Variants in PLXNA4 observed in about 807,000 individuals in gnomAD.
PLXNA4 encodes plexin-A4.
PLXNA4 carries 44 observed loss-of-function variants against 191.8 expected under a neutral mutation model. The observed-to-expected ratio is 0.23, with a 90% CI of 0.18 to 0.29. The LOEUF (loss-of-function observed/expected upper bound fraction) is 0.29, where lower values mean the gene tolerates loss of function less well. Ranked by LOEUF, PLXNA4 falls within the 10% of genes least tolerant of loss-of-function variation. PLXNA4 has a pLI of 1.00. For synonymous variants in PLXNA4, 1,082 were observed against 1,009.5 expected (o/e 1.07, Z -1.36); for missense variants, 1,800 against 2,488.8 (o/e 0.72, Z 5.89).
intron 5 of PLXNA4, 73 bp from the exon 6 acceptor site, chr7:132,228,542 G>T: frequency 6.3e-7 from 1 of 1,584,114 alleles, no homozygotes; most frequent in African/African-American, 1.3e-5. Flanking sequence ...GCTGAGGTCA[G>T]GTGTTTCCAG....
At chr7:132,256,072 G>C (rs1799421443) in intron 4 of PLXNA4, among the ~76,000 whole-genome samples, 1 of 152,200 alleles carries the variant, frequency 6.6e-6, no homozygotes, top group Non-Finnish European at 1.5e-5. Flanking sequence ...AGGCCGTGCT[G>C]TGTGCCGGCA....
chr7:132,197,598 G>C (rs895953593), intron 13 of PLXNA4, among the ~76,000 whole-genome samples: 1 of 152,168 alleles, frequency 6.6e-6, no homozygotes. Context: ...AGTGGTGATG[G>C]ACCAGAGAGG....
intron 3 of PLXNA4, among the ~76,000 whole-genome samples, chr7:132,476,517 A>G (rs931701608): frequency 6.6e-6 from 1 of 152,228 alleles, no homozygotes; most frequent in Admixed American, 6.5e-5. Context: ...TGCCTTTTCC[A>G]GAGAGGAGCA....
At chr7:132,439,781 C>T (rs1398184792) in intron 3 of PLXNA4, among the ~76,000 whole-genome samples, 1 of 152,170 alleles carries the variant, frequency 6.6e-6, no homozygotes, top group African/African-American at 2.4e-5. Context: ...TCCCTAAAGG[C>T]CCTAGGACAG....
At chr7:132,151,271 A>AGAAGGAGGAGGAGGAG (rs1795592814) in intron 25 of PLXNA4, among the ~76,000 whole-genome samples, 1 of 95,526 alleles carries the variant, frequency 1.0e-5, no homozygotes, top group Non-Finnish European at 2.4e-5. Context: ...AGGAGGAGGA[A>AGAAGGAGGAGGAGGAG]GAAGAAGGAG....
At chr7:132,496,129 G>A (rs1798002305) in intron 2 of PLXNA4, among the ~76,000 whole-genome samples, 1 of 152,216 alleles carries the variant, frequency 6.6e-6, no homozygotes, top group African/African-American at 2.4e-5. Flanking sequence ...ACTGCCTTGG[G>A]GAGCAGGCAT....
chr7:132,260,910 C>T (rs796892518), intron 4 of PLXNA4, among the ~76,000 whole-genome samples: 19 of 152,170 alleles, frequency 1.2e-4, no homozygotes, highest in African/African-American at 4.6e-4. Context: ...AATGTAGGTT[C>T]ATTGATTGTA....
chr7:132,425,927 G>C (rs1055618892), intron 3 of PLXNA4, among the ~76,000 whole-genome samples: 4 of 152,206 alleles, frequency 2.6e-5, no homozygotes, highest in Admixed American at 1.3e-4. Flanking sequence ...CTCCTGCCCA[G>C]GCTCCCTGAC....
chr7:132,612,180 G>A (rs976962268), intron 2 of PLXNA4, among the ~76,000 whole-genome samples: 1 of 152,148 alleles, frequency 6.6e-6, no homozygotes, highest in Non-Finnish European at 1.5e-5. Context: ...CATCTCAGTG[G>A]CCAGGACTTA....
chr7:132,609,073 T>C (rs1441489352), intron 2 of PLXNA4, among the ~76,000 whole-genome samples: 1 of 152,174 alleles, frequency 6.6e-6, no homozygotes, highest in Non-Finnish European at 1.5e-5. Flanking sequence ...CCCAGCTCAG[T>C]GTCCACATGA....
intron 2 of PLXNA4, among the ~76,000 whole-genome samples, chr7:132,618,897 G>A (rs1354969510): frequency 6.6e-6 from 1 of 152,146 alleles, no homozygotes; most frequent in Non-Finnish European, 1.5e-5. Flanking sequence ...TGGGCTCCAT[G>A]AGAGAAGTGG....
chr7:132,281,033 G>T (rs1800459449), intron 4 of PLXNA4, among the ~76,000 whole-genome samples: 1 of 152,032 alleles, frequency 6.6e-6, no homozygotes, highest in African/African-American at 2.4e-5. Flanking sequence ...AGATAAAATA[G>T]CATCTTGTAT....
chr7:132,138,317 C>T (rs1795171982), intron 30 of PLXNA4, among the ~76,000 whole-genome samples: 2 of 152,162 alleles, frequency 1.3e-5, no homozygotes, highest in African/African-American at 2.4e-5. Context: ...GTGACCAAGC[C>T]GTGGCCAGGT....
At chr7:132,322,184 C>CATTTTTTTTTTTTTTTTTTTTTTT (rs1802194381) in intron 3 of PLXNA4, among the ~76,000 whole-genome samples, 1 of 122,520 alleles carries the variant, frequency 8.2e-6, no homozygotes, top group African/African-American at 3.0e-5. Flanking sequence ...CCTAAAAGGG[C>CATTTTTTTTTTTTTTTTTTTTTTT]TTTTTTTTTT....
chr7:132,636,541 T>C (rs1173126928), intron 2 of PLXNA4, among the ~76,000 whole-genome samples: 1 of 152,160 alleles, frequency 6.6e-6, no homozygotes, highest in Non-Finnish European at 1.5e-5. Flanking sequence ...GCTATGAAAA[T>C]GCCCAAATGC....
intron 4 of PLXNA4, among the ~76,000 whole-genome samples, chr7:132,281,217 T>C (rs548684153): frequency 1.3e-5 from 2 of 152,338 alleles, no homozygotes; most frequent in East Asian, 3.9e-4. Flanking sequence ...TTTGTTTTAA[T>C]GGCTGTCATA....
chr7:132,468,309 C>A (rs1194169574), intron 3 of PLXNA4, among the ~76,000 whole-genome samples: 1 of 151,980 alleles, frequency 6.6e-6, no homozygotes, highest in East Asian at 1.9e-4. Context: ...TTCATATTTA[C>A]AGGACATGAT....
intron 2 of PLXNA4, among the ~76,000 whole-genome samples, chr7:132,638,401 C>T (rs1803650725): frequency 6.6e-6 from 1 of 152,248 alleles, no homozygotes; most frequent in Admixed American, 6.5e-5. Context: ...CCTGTAATCC[C>T]AGCACTTTGG....
chr7:132,352,171 C>A (rs533840888), intron 3 of PLXNA4, among the ~76,000 whole-genome samples: 2 of 152,216 alleles, frequency 1.3e-5, no homozygotes, highest in Admixed American at 6.5e-5. Flanking sequence ...TGGCTGCCAT[C>A]CCAGGGGCTG....
Sources: gnomAD v4.1 joint callset for allele counts (sites outside exome capture counted in the v4.1 genomes callset) on GRCh38, gnomAD v4.1.1 for gene constraint, MANE v1.5 for transcripts, NCBI Gene and HGNC (gene_info 2026-07-23, HGNC 2026-07-21) for gene names.